Variants in NRXN3 observed in about 807,000 individuals in gnomAD.
NRXN3 encodes the protein neurexin 3.
NRXN3 carries 32 observed loss-of-function variants against 137.6 expected under a neutral mutation model. The ratio of observed to expected loss-of-function variants is 0.23; its 90% confidence interval spans 0.18 to 0.31. The LOEUF (loss-of-function observed/expected upper bound fraction) is 0.31, where lower values mean the gene tolerates loss of function less well. NRXN3 is among the 10% of genes least tolerant of loss of function. NRXN3 has a pLI of 1.00. For missense variants in NRXN3, 1,574 were observed against 2,062.5 expected (o/e 0.76, Z 4.59); for synonymous variants, 798 against 784.5 (o/e 1.02, Z -0.29).
chr14:78,452,777 A>G (rs2094581427), intron 4 of NRXN3, among the ~76,000 whole-genome samples: 1 of 152,186 alleles, frequency 6.6e-6, no homozygotes, highest in Non-Finnish European at 1.5e-5. Flanking sequence ...CTTATTAATC[A>G]ATGGCATCAG....
At chr14:79,609,161 G>A (rs1202290942) in intron 16 of NRXN3, among the ~76,000 whole-genome samples, 1 of 151,986 alleles carries the variant, frequency 6.6e-6, no homozygotes, top group Non-Finnish European at 1.5e-5. Flanking sequence ...GCGTGAGAAA[G>A]TGTCCACCAT....
chr14:79,585,694 C>CAAAAAAAAAAAAAAAAA (rs76676582), intron 16 of NRXN3, among the ~76,000 whole-genome samples: 1 of 114,360 alleles, frequency 8.7e-6, no homozygotes, highest in Non-Finnish European at 1.8e-5. Flanking sequence ...AAAAAAAAAA[C>CAAAAAAAAAAAAAAAAA]AAAAAAAAAA....
chr14:79,652,050 G>C (rs569161827), intron 16 of NRXN3, among the ~76,000 whole-genome samples: 1 of 152,282 alleles, frequency 6.6e-6, no homozygotes, highest in South Asian at 2.1e-4. Flanking sequence ...TTGGATTATA[G>C]ATGACCTCCA....
intron 15 of NRXN3, among the ~76,000 whole-genome samples, chr14:79,326,959 CT>C (rs1395846799): frequency 1.3e-5 from 2 of 151,950 alleles, no homozygotes; most frequent in African/African-American, 4.8e-5. Flanking sequence ...TGTGAAACCT[CT>C]TTTTCAAAAA....
At chr14:79,548,563 A>G (rs1302837636) in intron 16 of NRXN3, among the ~76,000 whole-genome samples, 5 of 152,028 alleles carry the variant, frequency 3.3e-5, no homozygotes. Context: ...CTGCAATCCC[A>G]TTACTAGGTA....
At chr14:78,419,983 A>G (rs2093365537) in intron 4 of NRXN3, among the ~76,000 whole-genome samples, 1 of 41,846 alleles carries the variant, frequency 2.4e-5, no homozygotes, top group East Asian at 2.8e-4. Context: ...ACACACACAC[A>G]CACGTAAAGT....
At chr14:79,248,655 T>C (rs1350545613) in intron 15 of NRXN3, 1 of 152,230 alleles carries the variant, frequency 6.6e-6, no homozygotes, top group Non-Finnish European at 1.5e-5. Flanking sequence ...GAAGTGCAAC[T>C]TGTTTGTCAG....
rs925965417 is a variant in NRXN3 at position 78,895,327 on chromosome 14, G to A, written c.2276-61915G>A. 3.3e-5 allele frequency among the ~76,000 whole-genome samples: 5 copies of A among 151,844 alleles called. No individual in the cohort carries two copies. The South Asian group carries it at 8.3e-4, about 25-fold the overall frequency. The stretch of plus-strand genomic sequence containing the variant: ...TTGCCGCTTTACCTTGTGCTTTTAT[G>A]TTATAGAGATGATTTCTCTCCTTAA... On this transcript the variant is annotated intron_variant, in intron 10 of 20. Transcript: ENST00000335750.
At chr14:79,230,756 A>G (rs2072028303) in intron 15 of NRXN3, among the ~76,000 whole-genome samples, 1 of 152,116 alleles carries the variant, frequency 6.6e-6, no homozygotes, top group African/African-American at 2.4e-5. Flanking sequence ...TAGGATTCTA[A>G]AGTATAAAGA....
intron 16 of NRXN3, among the ~76,000 whole-genome samples, chr14:79,598,788 A>G (rs1212822246): frequency 6.6e-6 from 1 of 152,212 alleles, no homozygotes; most frequent in East Asian, 1.9e-4. Context: ...GTGCTTTTGA[A>G]GGTACAGTGA....
In NRXN3 at chr14:79,697,835, G is replaced by A. The variant is rs777221918; in HGVS notation, c.3912G>A (p.Gln1304=). ...TCCCATCAATTTTGGGAACAACACAGACGACCTCCATGCCACCAGAAATGT... is the reference window on the plus strand; with the variant it reads ...TCCCATCAATTTTGGGAACAACACAAACGACCTCCATGCCACCAGAAATGT... ...GEVPSILGTT[Q]TTSMPPEMST... The change falls in exon 19 of 21, where the codon CAG becomes CAA. Residue 1304 remains glutamine (Q), a synonymous_variant. Coordinates refer to ENST00000335750, the MANE Select transcript of NRXN3 (RefSeq NM_001330195.2). 2 of 1,613,228 alleles carry A rather than the reference G, an allele frequency of 1.2e-6. No homozygotes were observed. Among genetic ancestry groups the A allele is most frequent in the South Asian group, 1.1e-5 (1 of 91,074 alleles).
At chr14:78,419,953 G>A (rs796193917) in intron 4 of NRXN3, among the ~76,000 whole-genome samples, 821 of 33,828 alleles carry the variant, frequency 0.024, 8 homozygotes, top group Middle Eastern at 0.054. Flanking sequence ...GTGCGCGCGC[G>A]CGCGCACGCA....
chr14:78,688,779 T>A (rs2098143632), intron 6 of NRXN3, among the ~76,000 whole-genome samples: 4 of 151,948 alleles, frequency 2.6e-5, no homozygotes, highest in Admixed American at 2.6e-4. Context: ...AGTGCCAGCA[T>A]AAACATGGAG....
In NRXN3 at chr14:79,603,801, A is replaced by G. The variant is rs578062048; in HGVS notation, c.3445-59977A>G. ...AAAGGAAAATGAATTATCAGAGTTT[A>G]CTATGCTCCATGAGATTCTTTTCAT... On this transcript the variant is annotated intron_variant, in intron 16 of 20. Coordinates refer to ENST00000335750, the MANE Select transcript of NRXN3 (RefSeq NM_001330195.2). Among the ~76,000 whole-genome samples, 6 of 152,350 alleles carry G rather than the reference A, an allele frequency of 3.9e-5. No individual in the cohort carries two copies. In the South Asian group the frequency reaches 6.2e-4, roughly 16 times the overall value.
At chr14:78,507,675 G>A (rs895863574) in intron 4 of NRXN3, among the ~76,000 whole-genome samples, 17 of 152,028 alleles carry the variant, frequency 1.1e-4, no homozygotes, top group African/African-American at 4.1e-4. Flanking sequence ...TAATCCTCTC[G>A]GACTGTAATG....
intron 6 of NRXN3, among the ~76,000 whole-genome samples, chr14:78,673,561 A>G (rs2097960636): frequency 6.6e-6 from 1 of 152,246 alleles, no homozygotes; most frequent in South Asian, 2.1e-4. Flanking sequence ...CTGCCCTAAC[A>G]GAATACCATA....
At chr14:79,803,975 G>A (rs1180245720) in intron 19 of NRXN3, among the ~76,000 whole-genome samples, 7 of 144,558 alleles carry the variant, frequency 4.8e-5, no homozygotes, top group South Asian at 2.2e-4. Flanking sequence ...ATGTATGTAT[G>A]TATGTGTATA....
intron 16 of NRXN3, among the ~76,000 whole-genome samples, chr14:79,502,326 A>G (rs2096833376): frequency 6.6e-6 from 1 of 152,276 alleles, no homozygotes. Context: ...AGAAGTGCAG[A>G]CAGAGGGCAG....
chr14:79,100,878 C>T (rs2051157459), intron 15 of NRXN3, among the ~76,000 whole-genome samples: 1 of 152,006 alleles, frequency 6.6e-6, no homozygotes, highest in Admixed American at 6.6e-5. Context: ...GTTTCTTGCT[C>T]CCAGGGATCA....
Sources: allele counts gnomAD v4.1 joint callset (sites outside exome capture counted in the v4.1 genomes callset), GRCh38; gene constraint gnomAD v4.1.1; transcripts MANE v1.5; gene names NCBI Gene and HGNC (gene_info 2026-07-23, HGNC 2026-07-21).